The following HCN4 variants were observed in gnomAD, a reference collection of about 807,000 sequenced individuals.
HCN4 encodes hyperpolarization activated cyclic nucleotide gated potassium channel 4, also known as potassium/sodium hyperpolarization-activated cyclic nucleotide-gated channel 4.
A neutral mutation model predicts 76.9 loss-of-function variants in HCN4; 29 were observed. The ratio of observed to expected loss-of-function variants is 0.38; its 90% CI spans 0.28 to 0.51. HCN4 has a LOEUF of 0.51. Ranked by LOEUF, HCN4 falls within the 20% of genes least tolerant of loss-of-function variation. HCN4 has a pLI of 0.90. For synonymous variants in HCN4, 772 were observed against 762.5 expected (o/e 1.01, Z -0.21); for missense variants, 1,416 against 1,715.2 (o/e 0.83, Z 3.08).
chr15:73,345,566 A>G (rs1044402478), intron 1 of HCN4, among the ~76,000 whole-genome samples: 4 of 152,092 alleles, frequency 2.6e-5, no homozygotes, highest in African/African-American at 9.7e-5. Context: ...CCCCAGGAGG[A>G]TGGTTTCAGC....
chr15:73,324,872 C>G (rs771987134), intron 6 of HCN4, 83 bp downstream of exon 6: 15 of 1,559,726 alleles, frequency 9.6e-6, no homozygotes, highest in Non-Finnish European at 1.3e-5. Flanking sequence ...GAAGGGTGCT[C>G]ACTGCCTCTG....
In HCN4 at chr15:73,325,397, G is replaced by A. The variant is rs377661468; in HGVS notation, c.1638C>T (p.Asp546=). 3.1e-6 allele frequency: 5 copies of A among 1,614,046 alleles called. No homozygotes were observed. The African/African-American group carries it at 6.7e-5, about 22-fold the overall frequency. Residue 546 remains aspartate, a synonymous_variant, in exon 5 of 8, where the codon GAC becomes GAT. Transcript: ENST00000261917. This position sits in a 1 kb window ranked among gnomAD's most constrained non-coding sequence, Gnocchi z 7.4. The part of the protein sequence containing the change: ...QYMSFHKLPP[D]TRQRIHDYYE... Reference sequence around the variant, plus strand: ...AGTAGTCGTGGATGCGCTGCCGGGTGTCGGGCGGGAGCTTGTGAAAGGACA... The same window carrying A: ...AGTAGTCGTGGATGCGCTGCCGGGTATCGGGCGGGAGCTTGTGAAAGGACA...
In HCN4 at chr15:73,323,058, C is replaced by T; in HGVS notation, c.3035G>A (p.Gly1012Glu). 1 of 1,536,186 alleles carries T rather than the reference C, an allele frequency of 6.5e-7. No individual in the cohort carries two copies. The highest frequency in any genetic ancestry group is 1.8e-4 in the Middle Eastern group (1 of 5,702). Reference sequence around the variant, plus strand: ...AGTAAAGCCTACAGGGGAAGCCCCCCCAGAGGCCCCTGCCACAAGGGACGG... The same window carrying T: ...AGTAAAGCCTACAGGGGAAGCCCCCTCAGAGGCCCCTGCCACAAGGGACGG... ...EPPSLVAGAS[G>E]GASPVGFTPR... is the part of the protein sequence containing the mutation. The change falls in exon 8 of 8, where the codon GGG (glycine) becomes GAG (glutamate). Residue 1012 changes from glycine (G) to glutamate (E), a missense_variant. By Grantham distance (98) the Gly-to-Glu change is moderately conservative. Transcript: ENST00000261917.
chr15:73,350,290 G>A (rs923621810), intron 1 of HCN4, among the ~76,000 whole-genome samples: 2 of 152,092 alleles, frequency 1.3e-5, no homozygotes, highest in African/African-American at 2.4e-5. Context: ...TCCTGGCACC[G>A]TCATGAAATC....
At chr15:73,352,231 G>A (rs191450185) in intron 1 of HCN4, among the ~76,000 whole-genome samples, 48 of 152,274 alleles carry the variant, frequency 3.2e-4, no homozygotes, top group Non-Finnish European at 6.0e-4. Context: ...GTGAACAGAT[G>A]AGTGCATGCC....
rs1230399538 is a variant in HCN4, at chr15:73,320,933, C to T, written c.*1548G>A. Reference sequence around the variant, plus strand: ...CCTCCTGAGTCCTGAGATTTTAAGTCTTGGAGCCCTCAGCCAAAGCTCCCT... The same window carrying T: ...CCTCCTGAGTCCTGAGATTTTAAGTTTTGGAGCCCTCAGCCAAAGCTCCCT... On this transcript the variant is annotated 3_prime_UTR_variant, in exon 8 of 8. Coordinates refer to ENST00000261917, the MANE Select transcript of HCN4 (RefSeq NM_005477.3). 2 of 152,214 alleles carry T rather than the reference C, an allele frequency of 1.3e-5. No individual in the cohort carries two copies. The highest frequency in any genetic ancestry group is 2.9e-5 in the Non-Finnish European group (2 of 68,072). 9.4% of individuals were successfully genotyped at this position (152,214 alleles called of 1,614,324 possible). A position where few individuals can be genotyped will look rare whatever the true frequency, so the allele number is the denominator to read the frequency against.
chr15:73,339,489 G>A (rs3784807), intron 2 of HCN4, among the ~76,000 whole-genome samples: 55,294 of 152,102 alleles, frequency 0.36, 11,421 homozygotes, highest in Middle Eastern at 0.46. Flanking sequence ...AGCCCCAACC[G>A]AGGGCATCCT....
chr15:73,334,404 C>T (rs1358788413), intron 2 of HCN4, among the ~76,000 whole-genome samples: 3 of 152,092 alleles, frequency 2.0e-5, no homozygotes, highest in Non-Finnish European at 4.4e-5. Flanking sequence ...GTGAGGCTCT[C>T]CCCAGCAGGT....
At chr15:73,329,006 G>A (rs2042916098) in intron 4 of HCN4, among the ~76,000 whole-genome samples, 1 of 152,172 alleles carries the variant, frequency 6.6e-6, no homozygotes, top group Admixed American at 6.5e-5. Context: ...TGAGAGATGA[G>A]GTGGGGCTGC....
chr15:73,357,690 T>C (rs1333123365), intron 1 of HCN4, among the ~76,000 whole-genome samples: 1 of 151,894 alleles, frequency 6.6e-6, no homozygotes, highest in Non-Finnish European at 1.5e-5. Flanking sequence ...ACGGAGGCCA[T>C]GACCTAATGG....
Position 73,320,222 on chromosome 15 carries a change from T to G in HCN4, c.*2259A>C, listed in dbSNP as rs2042848460. On this transcript the variant is annotated 3_prime_UTR_variant, in exon 8 of 8. Coordinates refer to ENST00000261917, the MANE Select transcript of HCN4 (RefSeq NM_005477.3). ...GGAAGGGGTGTGTGCAGAACTCAGG[T>G]TGAGGCTAAGTCCTTCCAGTTCTCA... The G allele has an allele frequency of 6.6e-6, 1 of 152,190 alleles. No individual in the cohort carries two copies. Among genetic ancestry groups the G allele is most frequent in the African/African-American group, 2.4e-5 (1 of 41,402 alleles). The allele number at this position is 152,190 out of a possible 1,614,324, so 9.4% of individuals were successfully genotyped here. A position where few individuals can be genotyped will look rare whatever the true frequency, so the allele number is the denominator to read the frequency against.
intron 1 of HCN4, among the ~76,000 whole-genome samples, chr15:73,344,978 G>C (rs1360066124): frequency 1.3e-5 from 2 of 152,186 alleles, no homozygotes; most frequent in African/African-American, 4.8e-5. Context: ...ACAGATAAAG[G>C]TATTAAGTGA....
intron 1 of HCN4, among the ~76,000 whole-genome samples, chr15:73,359,814 A>G (rs1164797775): frequency 6.6e-6 from 1 of 152,234 alleles, no homozygotes; most frequent in African/African-American, 2.4e-5. Flanking sequence ...GAAGTCTAGC[A>G]TGAATAGATC....
chr15:73,359,523 G>A (rs1450554924), intron 1 of HCN4, among the ~76,000 whole-genome samples: 6 of 152,154 alleles, frequency 3.9e-5, no homozygotes, highest in African/African-American at 9.7e-5. Context: ...GGGGGGCGGG[G>A]CACGAAGGTA....
chr15:73,355,613 C>A (rs1337575930), intron 1 of HCN4, among the ~76,000 whole-genome samples: 8 of 152,186 alleles, frequency 5.3e-5, no homozygotes, highest in African/African-American at 1.9e-4. Context: ...GGACTGCAAC[C>A]GCACCTTCTC....
chr15:73,325,270 C>T lies in HCN4; in HGVS notation c.1737+28G>A. On this transcript the variant is annotated intron_variant, in intron 5 of 7. Coordinates refer to ENST00000261917, the MANE Select transcript of HCN4 (RefSeq NM_005477.3). This position sits in a 1 kb window ranked among gnomAD's most constrained non-coding sequence, Gnocchi z 7.4. The stretch of plus-strand genomic sequence containing the variant: ...TGGCTGCCAGGAAGGCCTGGCTCCC[C>T]TCCACGCCGGGCCGCCACACAGCTC... 2 of 1,614,072 alleles carry T rather than the reference C, an allele frequency of 1.2e-6. No individual in the cohort carries two copies. The highest frequency in any genetic ancestry group is 1.7e-6 in the Non-Finnish European group (2 of 1,179,984).
Position 73,325,543 on chromosome 15 carries a change from G to A in HCN4, c.1591-99C>T, listed in dbSNP as rs374308688. 3.0e-5 allele frequency: 37 copies of A among 1,239,800 alleles called. No individual in the cohort carries two copies. The African/African-American group carries it at 3.1e-4, about 10-fold the overall frequency. 76.8% of individuals were successfully genotyped at this position (1,239,800 alleles called of 1,614,324 possible). A position where few individuals can be genotyped will look rare whatever the true frequency, so the allele number is the denominator to read the frequency against. ...GGCACCACATCCGGGCACCCACCCC[G>A]GGGGATTTCCTGGCTAAACTTGGTT... On this transcript the variant is annotated intron_variant, in intron 4 of 7. Coordinates refer to ENST00000261917, the MANE Select transcript of HCN4 (RefSeq NM_005477.3). The surrounding 1 kb of genome is among the most constrained non-coding windows in gnomAD (Gnocchi z 7.4).
intron 1 of HCN4, among the ~76,000 whole-genome samples, chr15:73,363,254 G>A (rs1394462652): frequency 6.6e-6 from 1 of 152,204 alleles, no homozygotes; most frequent in African/African-American, 2.4e-5. Context: ...CTTCCTCCTT[G>A]CCACCTCCTG....
rs1249032163 is a variant in HCN4 at position 73,322,701 on chromosome 15, C to G, written c.3392G>C (p.Ser1131Thr). 3 of 1,574,264 alleles carry G rather than the reference C, an allele frequency of 1.9e-6. No individual in the cohort carries two copies. The highest frequency in any genetic ancestry group is 8.6e-7 in the Non-Finnish European group (1 of 1,160,524). The change falls in exon 8 of 8, where the codon AGC becomes ACC. Residue 1131 changes from serine to threonine, a missense_variant. Coordinates refer to ENST00000261917, the MANE Select transcript of HCN4 (RefSeq NM_005477.3). Reference protein sequence around the residue: ...RAGGGSGGSGSSGGLGPPGRP... With the variant: ...RAGGGSGGSGTSGGLGPPGRP... ...CCCAGGGGGACCGAGGCCCCCGCTG[C>G]TCCCACTGCCCCCGCTGCCACCCCC... is the stretch of plus-strand genomic sequence containing the variant.
Sources: gnomAD v4.1 joint callset for allele counts (sites outside exome capture counted in the v4.1 genomes callset) on GRCh38, gnomAD v4.1.1 for gene constraint, Gnocchi (gnomAD v3.1) non-coding constraint, MANE v1.5 for transcripts, NCBI Gene and HGNC (gene_info 2026-07-23, HGNC 2026-07-21) for gene names.